Variants in HCN4 observed in about 807,000 individuals in gnomAD.
HCN4 encodes potassium/sodium hyperpolarization-activated cyclic nucleotide-gated channel 4.
In HCN4, 29 loss-of-function variants were observed where a neutral mutation model predicts 76.9. The ratio of observed to expected loss-of-function variants is 0.38; its 90% CI spans 0.28 to 0.51. The LOEUF is 0.51. HCN4 is among the 20% of genes least tolerant of loss of function. HCN4 has a pLI of 0.90. For missense variants in HCN4, 1,416 were observed against 1,715.2 expected (o/e 0.83, Z 3.08); for synonymous variants, 772 against 762.5 (o/e 1.01, Z -0.21).
intron 2 of HCN4, among the ~76,000 whole-genome samples, chr15:73,333,587 A>ACC (rs1361118144): frequency 6.6e-6 from 1 of 151,766 alleles, no homozygotes; most frequent in Non-Finnish European, 1.5e-5. Flanking sequence ...ACCTGCAGTC[A>ACC]CCCCCACCTG....
At chr15:73,357,416 C>T (rs1277886653) in intron 1 of HCN4, among the ~76,000 whole-genome samples, 3 of 152,194 alleles carry the variant, frequency 2.0e-5, no homozygotes, top group East Asian at 1.9e-4. Flanking sequence ...TAGATGATCC[C>T]GCTGGCCTGT....
chr15:73,325,888 G>A lies in HCN4; in HGVS notation c.1591-444C>T, dbSNP rs898931894. On this transcript the variant is annotated intron_variant, in intron 4 of 7. Transcript: ENST00000261917. The surrounding 1 kb of genome is among the most constrained non-coding windows in gnomAD (Gnocchi z 7.4). ...CACAGTCAGGAGGCAAGGGTGCGAT[G>A]GATCAGAACGCTCAGAGGCAGAAGC... Among the ~76,000 whole-genome samples the A allele has an allele frequency of 6.6e-6, 1 of 152,188 alleles. No homozygotes were observed. Among genetic ancestry groups the A allele is most frequent in the Non-Finnish European group, 1.5e-5 (1 of 68,026 alleles).
chr15:73,353,316 C>T (rs1246667118), intron 1 of HCN4, among the ~76,000 whole-genome samples: 1 of 152,188 alleles, frequency 6.6e-6, no homozygotes, highest in Non-Finnish European at 1.5e-5. Flanking sequence ...AGGGGAAAGA[C>T]ACGATCCTGG....
chr15:73,368,430 C>CG lies in HCN4; in HGVS notation c.-161dup. 2 of 439,524 alleles carry CG rather than the reference C, an allele frequency of 4.6e-6. No homozygotes were observed. Among genetic ancestry groups the CG allele is most frequent in the East Asian group, 7.8e-5 (2 of 25,492 alleles). The allele number at this position is 439,524 out of a possible 1,614,324, so 27.2% of individuals were successfully genotyped here. ...CCATGCTTGGGCAGGCTGCGCGCCGCGGGGAGGATCCTAGTCCCGCTCCGA... is the reference window on the plus strand; with the variant it reads ...CCATGCTTGGGCAGGCTGCGCGCCGCGGGGGAGGATCCTAGTCCCGCTCCGA... On this transcript the variant is annotated 5_prime_UTR_variant, in exon 1 of 8. Coordinates refer to ENST00000261917, the MANE Select transcript of HCN4 (RefSeq NM_005477.3). This position sits in a 1 kb window ranked among gnomAD's most constrained non-coding sequence, Gnocchi z 6.9.
intron 4 of HCN4, among the ~76,000 whole-genome samples, chr15:73,327,135 C>T (rs2042905180): frequency 1.4e-5 from 2 of 143,796 alleles, no homozygotes; most frequent in South Asian, 2.2e-4. Context: ...GAGATGGAGT[C>T]TCCCTCTGTT....
At chr15:73,329,859 C>T (rs1468801271) in intron 3 of HCN4, 68 bp from the exon 4 acceptor site, 6 of 1,312,238 alleles carry the variant, frequency 4.6e-6, no homozygotes, top group African/African-American at 2.9e-5. Flanking sequence ...CAAGAAAAGG[C>T]CCTGCCACCT....
rs781395940 is a variant in HCN4 at position 73,324,235 on chromosome 15, C to T, written c.1997G>A (p.Arg666Gln). The T allele has an allele frequency of 6.2e-6, 10 of 1,613,796 alleles. No individual in the cohort carries two copies. The highest frequency in any genetic ancestry group is 4.4e-5 in the South Asian group (4 of 91,086). ...CCTCACGCTGGCTGTGCGCCGGCCC[C>T]GGGTCAGCAGGCAGATCTCTGCCAG... ...SYFGEICLLT[R>Q]GRRTASVRAD... Residue 666 changes from arginine (R) to glutamine (Q), a missense_variant, in exon 7 of 8, where the codon CGG becomes CAG. This residue lies in a region of HCN4 where 241 missense variants were observed against 379.4 expected (regional missense o/e 0.64). Transcript: ENST00000261917.
intron 2 of HCN4, among the ~76,000 whole-genome samples, chr15:73,334,661 C>T (rs1052834931): frequency 6.6e-6 from 1 of 151,962 alleles, no homozygotes; most frequent in Non-Finnish European, 1.5e-5. Context: ...CGGCCATCCT[C>T]CACACCTGCC....
rs141803106 is a variant in HCN4 at position 73,360,061 on chromosome 15, C to T, written c.785+7425G>A. 4.5e-3 allele frequency among the ~76,000 whole-genome samples: 681 copies of T among 152,300 alleles called. 5 individuals are homozygous for T. Among genetic ancestry groups the T allele is most frequent in the Middle Eastern group, 0.02 (6 of 294 alleles). On this transcript the variant is annotated intron_variant, in intron 1 of 7. Transcript: ENST00000261917. ...AGATCTGGGGTCAGGACAGCATGTC[C>T]CAGCCACCAGACTCTGCATCTTCAG...
At chr15:73,366,971 C>A (rs924133799) in intron 1 of HCN4, among the ~76,000 whole-genome samples, 6 of 152,180 alleles carry the variant, frequency 3.9e-5, no homozygotes, top group Non-Finnish European at 8.8e-5. Flanking sequence ...GGCCTGAGGC[C>A]CCAGTGACTT....
rs2043017948 is a variant in HCN4, at chr15:73,343,660, G to A, written c.934C>T (p.Leu312Phe). 1 of 1,614,166 alleles carries A rather than the reference G, an allele frequency of 6.2e-7. No individual in the cohort carries two copies. The highest frequency in any genetic ancestry group is 8.5e-7 in the Non-Finnish European group (1 of 1,180,040). ...SDTFFLIDLVLNFRTGIVVED... is the reference protein window; with the variant it reads ...SDTFFLIDLVFNFRTGIVVED... ...ACCACGATCCCTGTGCGGAAGTTGAGGACCAAGTCGATGAGGAAGAATGTG... is the reference window on the plus strand; with the variant it reads ...ACCACGATCCCTGTGCGGAAGTTGAAGACCAAGTCGATGAGGAAGAATGTG... Residue 312 changes from leucine to phenylalanine, a missense_variant, in exon 2 of 8, where the codon CTC becomes TTC. By Grantham distance (22) the Leu-to-Phe change is conservative. Around this residue, in one of 6 missense-constraint regions of HCN4, gnomAD observed 52 missense variants for 129.1 expected, o/e 0.40. Coordinates refer to ENST00000261917, the MANE Select transcript of HCN4 (RefSeq NM_005477.3). The surrounding 1 kb of genome is among the most constrained non-coding windows in gnomAD (Gnocchi z 5.7).
intron 2 of HCN4, among the ~76,000 whole-genome samples, chr15:73,333,159 G>A (rs1237981320): frequency 1.3e-5 from 2 of 152,204 alleles, no homozygotes; most frequent in Non-Finnish European, 2.9e-5. Context: ...TAGCTGGACA[G>A]GGCCAAGGTG....
chr15:73,360,817 G>T (rs1042404788), intron 1 of HCN4, among the ~76,000 whole-genome samples: 10 of 152,222 alleles, frequency 6.6e-5, no homozygotes, highest in African/African-American at 2.2e-4. Context: ...AGTCTCTGTT[G>T]ATTTGAGTCT....
At position 73,322,656 on chromosome 15, in the gene HCN4, G is replaced by A. The variant is rs1207292841; in HGVS notation, c.3437C>T (p.Pro1146Leu). 1.2e-6 allele frequency: 2 copies of A among 1,608,784 alleles called. No homozygotes were observed. The highest frequency in any genetic ancestry group is 2.2e-5 in the East Asian group (1 of 44,698). ...GPPGRPYGAI[P>L]GQHVTLPRKT... ...CCGAGGCAGAGTGACGTGCTGGCCG[G>A]GGATGGCACCATAGGGCCTCCCAGG... The change falls in exon 8 of 8, where the codon CCC (proline) becomes CTC (leucine). Residue 1146 changes from proline (P) to leucine (L), a missense_variant. Physicochemically the swap from Pro to Leu is moderately conservative, Grantham distance 98. Around this residue, in one of 6 missense-constraint regions of HCN4, gnomAD observed 633 missense variants for 579.8 expected, o/e 1.09. Coordinates refer to ENST00000261917, the MANE Select transcript of HCN4 (RefSeq NM_005477.3).
In HCN4 at chr15:73,322,365, T is replaced by C; in HGVS notation, c.*116A>G. On this transcript the variant is annotated 3_prime_UTR_variant, in exon 8 of 8. Transcript: ENST00000261917. ...TCTGCTGTCTTTTGTTTTTCTGGTG[T>C]GTGTGGTTTTTTAAATAATTATTAC... is the stretch of plus-strand genomic sequence containing the variant. 2.2e-6 allele frequency: 2 copies of C among 902,420 alleles called. No homozygotes were observed. Among genetic ancestry groups the C allele is most frequent in the South Asian group, 1.4e-5 (1 of 69,602 alleles). The allele number at this position is 902,420 out of a possible 1,614,324, so 55.9% of individuals were successfully genotyped here. A position where few individuals can be genotyped will look rare whatever the true frequency, so the allele number is the denominator to read the frequency against.
chr15:73,351,207 G>A (rs2043053832), intron 1 of HCN4, among the ~76,000 whole-genome samples: 1 of 151,952 alleles, frequency 6.6e-6, no homozygotes, highest in Non-Finnish European at 1.5e-5. Flanking sequence ...TCCCTTGAAC[G>A]GCCTCCTTTC....
chr15:73,355,667 G>C (rs2043075082), intron 1 of HCN4, among the ~76,000 whole-genome samples: 1 of 152,192 alleles, frequency 6.6e-6, no homozygotes. Context: ...AACACTTTGA[G>C]ATGAAAACCC....
intron 1 of HCN4, among the ~76,000 whole-genome samples, chr15:73,358,969 T>C (rs952388124): frequency 6.6e-6 from 1 of 152,218 alleles, no homozygotes; most frequent in African/African-American, 2.4e-5. Context: ...TATGGTATTC[T>C]GGAGGGCATG....
chr15:73,336,321 C>T (rs986957010), intron 2 of HCN4, among the ~76,000 whole-genome samples: 5 of 152,276 alleles, frequency 3.3e-5, no homozygotes, highest in Non-Finnish European at 2.9e-5. Flanking sequence ...TGGGGTCTCC[C>T]TGGCTAAAGG....
Sources: gnomAD v4.1 joint callset for allele counts (sites outside exome capture counted in the v4.1 genomes callset) on GRCh38, gnomAD v4.1.1 for gene constraint, gnomAD v4.1.1 regional missense constraint, Gnocchi (gnomAD v3.1) non-coding constraint, MANE v1.5 for transcripts, NCBI Gene and HGNC (gene_info 2026-07-23, HGNC 2026-07-21) for gene names.